The following RNF212B variants were observed in gnomAD, a reference collection of about 807,000 sequenced individuals.
RNF212B encodes ring finger protein 212B.
RNF212B carries 52 observed loss-of-function variants against 55.5 expected under a neutral mutation model. The ratio of observed to expected loss-of-function variants is 0.94; its 90% CI spans 0.75 to 1.18. The LOEUF is 1.18. RNF212B is among the 50% of genes most tolerant of loss of function. The probability of loss-of-function intolerance (pLI) is 0.00; values close to 1 mark genes in which losing one functional copy is unlikely to be tolerated. For synonymous variants in RNF212B, 99 were observed against 121.4 expected, an observed-to-expected ratio of 0.82 and a Z score of 1.21; for missense variants, 289 against 350.4, an observed-to-expected ratio of 0.82 and a Z score of 1.40.
intron 6 of RNF212B, among the ~76,000 whole-genome samples, chr14:23,260,237 C>A (rs1885194568): frequency 6.6e-6 from 1 of 151,914 alleles, no homozygotes; most frequent in South Asian, 2.1e-4. Context: ...TTAAACATTT[C>A]TCTTCAAGAA....
intron 4 of RNF212B, among the ~76,000 whole-genome samples, chr14:23,255,502 T>C (rs1401743016): frequency 2.0e-5 from 3 of 152,196 alleles, no homozygotes; most frequent in Non-Finnish European, 4.4e-5. Context: ...AAACAATATT[T>C]AACACTTGCA....
chr14:23,228,912 A>G (rs944969565), intron 2 of RNF212B, among the ~76,000 whole-genome samples: 16 of 152,056 alleles, frequency 1.1e-4, no homozygotes, highest in Non-Finnish European at 1.2e-4. Context: ...TTAGTGTGCA[A>G]TTCAGTGGCA....
chr14:23,239,960 C>T (rs1462774106), intron 1 of RNF212B, among the ~76,000 whole-genome samples: 2 of 149,814 alleles, frequency 1.3e-5, no homozygotes, highest in African/African-American at 4.9e-5. Flanking sequence ...ATGTATTAAT[C>T]CAGAAAACCT....
chr14:23,189,924 C>A (rs1027570586), intron 1 of RNF212B, among the ~76,000 whole-genome samples: 2 of 152,228 alleles, frequency 1.3e-5, no homozygotes, highest in African/African-American at 4.8e-5. Context: ...GGAATTACCA[C>A]ATCAAAGCTT....
At position 23,268,913 on chromosome 14, in the gene RNF212B, A is replaced by G; in HGVS notation, c.635-11A>G. ...TGGATTATCTCACAGGCTTATTTTT[A>G]TGCTTTCCAGAAACCCCTTCACCGG... is the stretch of plus-strand genomic sequence containing the variant. On this transcript the variant is annotated splice_polypyrimidine_tract_variant and intron_variant, in intron 11 of 14. Coordinates refer to ENST00000430154, the MANE Select transcript of RNF212B (RefSeq NM_001282322.3). The G allele has an allele frequency of 6.5e-7, 1 of 1,549,194 alleles. No individual in the cohort carries two copies. The highest frequency in any genetic ancestry group is 1.2e-5 in the South Asian group (1 of 84,006).
intron 9 of RNF212B, among the ~76,000 whole-genome samples, chr14:23,263,270 C>T (rs8004063): frequency 0.39 from 59,584 of 152,060 alleles, 11,766 homozygotes; most frequent in East Asian, 0.42. Flanking sequence ...TCTCATGCTC[C>T]GAACAGGGAA....
chr14:23,216,633 A>G (rs906266918), intron 2 of RNF212B, among the ~76,000 whole-genome samples: 2 of 151,640 alleles, frequency 1.3e-5, no homozygotes, highest in African/African-American at 4.8e-5. Flanking sequence ...TAATCCCAGC[A>G]CTTTGGGAGG....
intron 4 of RNF212B, among the ~76,000 whole-genome samples, chr14:23,257,822 A>G (rs1441463734): frequency 1.2e-4 from 19 of 152,164 alleles, no homozygotes; most frequent in Admixed American, 1.2e-3. Flanking sequence ...ATAGCAGCAT[A>G]AGCAGCCTGC....
At chr14:23,215,208 C>T (rs1195498081) in intron 2 of RNF212B, among the ~76,000 whole-genome samples, 1 of 152,106 alleles carries the variant, frequency 6.6e-6, no homozygotes, top group African/African-American at 2.4e-5. Flanking sequence ...CTCCTGTTGT[C>T]ATGTAAGGTG....
chr14:23,193,820 T>A (rs1022816560), intron 2 of RNF212B, among the ~76,000 whole-genome samples: 2 of 151,890 alleles, frequency 1.3e-5, no homozygotes, highest in Admixed American at 6.6e-5. Context: ...TGTAGTACAA[T>A]ATGACTTTTA....
chr14:23,234,313 T>G (rs1882947022), upstream of RNF212B, among the ~76,000 whole-genome samples: 1 of 150,072 alleles, frequency 6.7e-6, no homozygotes, highest in Non-Finnish European at 1.5e-5. Context: ...TGTGTGTGTG[T>G]GTACATGCAA....
intron 2 of RNF212B, among the ~76,000 whole-genome samples, chr14:23,207,719 G>T (rs1446557024): frequency 1.3e-5 from 2 of 152,186 alleles, no homozygotes; most frequent in Admixed American, 6.5e-5. Flanking sequence ...AGTTAATTTA[G>T]AAAGTTTATT....
intron 2 of RNF212B, among the ~76,000 whole-genome samples, chr14:23,214,804 AT>A (rs1880911159): frequency 6.6e-6 from 1 of 152,160 alleles, no homozygotes; most frequent in African/African-American, 2.4e-5. Context: ...ATGAAAACAT[AT>A]TAGAAGAAAT....
intron 2 of RNF212B, among the ~76,000 whole-genome samples, chr14:23,242,081 C>CAAAAAAAAAAAAAAAAAAAAA (rs58497672): frequency 2.7e-5 from 1 of 36,646 alleles, no homozygotes. Flanking sequence ...GACTCCGTCT[C>CAAAAAAAAAAAAAAAAAAAAA]AAAAAAAAAA....
At chr14:23,257,085 G>A (rs1352075865) in intron 4 of RNF212B, among the ~76,000 whole-genome samples, 3 of 152,096 alleles carry the variant, frequency 2.0e-5, no homozygotes, top group South Asian at 2.1e-4. Context: ...CGTGGGTGGC[G>A]GAGGTTGCAG....
chr14:23,264,283 A>G, intron 10 of RNF212B, 49 bp downstream of exon 10: 1 of 1,389,988 alleles, frequency 7.2e-7, no homozygotes, highest in African/African-American at 1.4e-5. Flanking sequence ...CTAATGCTAA[A>G]TGAAAGCAAA....
chr14:23,206,618 G>T (rs920642583), intron 2 of RNF212B, among the ~76,000 whole-genome samples: 1 of 152,120 alleles, frequency 6.6e-6, no homozygotes, highest in Non-Finnish European at 1.5e-5. Flanking sequence ...AACCTAGGCA[G>T]TTGTCAGCTA....
chr14:23,262,151 A>G (rs1885342949), intron 7 of RNF212B, among the ~76,000 whole-genome samples: 1 of 152,056 alleles, frequency 6.6e-6, no homozygotes, highest in Admixed American at 6.6e-5. Context: ...TACAACACTT[A>G]AACACTGTTC....
rs766631294 is a variant in RNF212B, at chr14:23,262,727, C to A, written c.481+16C>A. The A allele has an allele frequency of 6.5e-7, 1 of 1,549,160 alleles. No homozygotes were observed. The highest frequency in any genetic ancestry group is 1.2e-5 in the South Asian group (1 of 84,004). ...TCACAGTCAGGTGGAGAACATTTTT[C>A]CCCTAAATATCTGTGTGAGATGAAT... On this transcript the variant is annotated intron_variant, in intron 8 of 14. Coordinates refer to ENST00000430154, the MANE Select transcript of RNF212B (RefSeq NM_001282322.3).
Sources: gnomAD v4.1 joint callset for allele counts (sites outside exome capture counted in the v4.1 genomes callset) on GRCh38, gnomAD v4.1.1 for gene constraint, MANE v1.5 for transcripts, NCBI Gene and HGNC (gene_info 2026-07-23, HGNC 2026-07-21) for gene names.